SPAG17: variants seen among roughly 807,000 people sequenced by gnomAD.
The protein encoded by SPAG17 is sperm-associated antigen 17.
In SPAG17, 169 loss-of-function variants were observed where a neutral mutation model predicts 273.6. The observed-to-expected ratio is 0.62, with a 90% CI of 0.55 to 0.70. SPAG17 has a LOEUF of 0.70. Among genes scored for constraint, SPAG17 ranks in the 30% least tolerant of loss-of-function variants. The pLI is 0.00. For missense variants in SPAG17, 2,557 were observed against 2,627.8 expected (o/e 0.97, Z 0.59); for synonymous variants, 825 against 873.2 (o/e 0.94, Z 0.97).
intron 19 of SPAG17, among the ~76,000 whole-genome samples, chr1:118,055,160 C>G (rs1046969117): frequency 6.6e-6 from 1 of 152,070 alleles, no homozygotes; most frequent in Admixed American, 6.6e-5. Context: ...AATAACACAA[C>G]ATCACCACCA....
chr1:118,084,807 T>C (rs1051988686), intron 13 of SPAG17, among the ~76,000 whole-genome samples: 2 of 152,042 alleles, frequency 1.3e-5, no homozygotes, highest in African/African-American at 2.4e-5. Context: ...ACCAGAATGT[T>C]TTCTTTTTTT....
At position 118,073,909 on chromosome 1, in the gene SPAG17, C is replaced by T. The variant is rs772685293; in HGVS notation, c.2330G>A (p.Arg777His). ...DLEDIKKTQQ[R>H]SLMDWSFTEH... ...AGTAAAACTCCAGTCCATTAGACTGCGCTGCTGTGTTTTCTTTATGTCCTC... is the reference window on the plus strand; with the variant it reads ...AGTAAAACTCCAGTCCATTAGACTGTGCTGCTGTGTTTTCTTTATGTCCTC... The change falls in exon 17 of 49, where the codon CGC becomes CAC. Residue 777 changes from arginine (R) to histidine (H), a missense_variant. Arg to His is a conservative substitution (Grantham distance 29, BLOSUM62 0). Coordinates refer to ENST00000336338, the MANE Select transcript of SPAG17 (RefSeq NM_206996.4). 80 of 1,575,782 alleles carry T rather than the reference C, an allele frequency of 5.1e-5. No individual in the cohort carries two copies. Among genetic ancestry groups the T allele is most frequent in the East Asian group, 7.0e-5 (3 of 42,980 alleles).
chr1:118,067,036 GT>G, intron 17 of SPAG17, 137 bp from the exon 18 acceptor site: 1 of 755,310 alleles, frequency 1.3e-6, no homozygotes, highest in African/African-American at 1.8e-5. Context: ...ATTCCCAGAG[GT>G]TTCTTTCCTA....
At chr1:118,093,037 G>T in intron 8 of SPAG17, 119 bp downstream of exon 8, 1 of 1,050,710 alleles carries the variant, frequency 9.5e-7, no homozygotes, top group Non-Finnish European at 1.4e-6. Flanking sequence ...TATGCCAGTA[G>T]GCAGTATGAC....
chr1:117,954,041 G>T lies in SPAG17; in HGVS notation c.*9C>A. On this transcript the variant is annotated 3_prime_UTR_variant, in exon 49 of 49. Coordinates refer to ENST00000336338, the MANE Select transcript of SPAG17 (RefSeq NM_206996.4). Reference sequence around the variant, plus strand: ...ATTATGGAGGCTATTGAGTTGTACCGAGAAGAAACTGCAAAAATGAAGGAA... The same window carrying T: ...ATTATGGAGGCTATTGAGTTGTACCTAGAAGAAACTGCAAAAATGAAGGAA... The T allele has an allele frequency of 6.2e-7, 1 of 1,612,268 alleles. No homozygotes were observed. Among genetic ancestry groups the T allele is most frequent in the South Asian group, 1.1e-5 (1 of 90,950 alleles).
chr1:118,040,846 A>C lies in SPAG17; in HGVS notation c.3055-5T>G. ...TCCCATATTGTATCCGTGAAACTAG[A>C]AGAGAAAATATTATGCTTTGAGTGT... is the stretch of plus-strand genomic sequence containing the variant. On this transcript the variant is annotated splice_region_variant and splice_polypyrimidine_tract_variant and intron_variant, in intron 21 of 48. Transcript: ENST00000336338. 2.0e-6 allele frequency: 3 copies of C among 1,518,792 alleles called. No homozygotes were observed. Among genetic ancestry groups the C allele is most frequent in the Non-Finnish European group, 2.7e-6 (3 of 1,092,582 alleles). The allele number at this position is 1,518,792 out of a possible 1,614,324, so 94.1% of individuals were successfully genotyped here.
At chr1:118,156,413 T>C (rs887201802) in intron 1 of SPAG17, among the ~76,000 whole-genome samples, 2 of 152,238 alleles carry the variant, frequency 1.3e-5, no homozygotes, top group Non-Finnish European at 2.9e-5. Flanking sequence ...AGTGCTAGAA[T>C]GTAGCATGTC....
chr1:118,148,417 A>C (rs1299536162), intron 3 of SPAG17, among the ~76,000 whole-genome samples: 1 of 152,158 alleles, frequency 6.6e-6, no homozygotes, highest in South Asian at 2.1e-4. Flanking sequence ...GTGCTAGCTC[A>C]GGTGGCCAGC....
intron 41 of SPAG17, 86 bp from the exon 42 acceptor site, chr1:117,983,999 A>C (rs1214304813): frequency 1.6e-6 from 1 of 616,550 alleles, no homozygotes; most frequent in African/African-American, 1.8e-5. Flanking sequence ...AGCAATAATG[A>C]AAACATATTT....
intron 30 of SPAG17, among the ~76,000 whole-genome samples, chr1:118,009,472 G>T (rs1659248641): frequency 6.6e-6 from 1 of 152,108 alleles, no homozygotes; most frequent in Admixed American, 6.6e-5. Flanking sequence ...AAGAGTGGAA[G>T]GCTTTTAGAG....
At position 118,099,729 on chromosome 1, in the gene SPAG17, T is replaced by C. The variant is rs747307535; in HGVS notation, c.706A>G (p.Ile236Val). 2.5e-5 allele frequency: 41 copies of C among 1,613,698 alleles called. No homozygotes were observed. The highest frequency in any genetic ancestry group is 1.4e-4 in the South Asian group (13 of 91,070). The change falls in exon 6 of 49, where the codon ATT becomes GTT. Residue 236 changes from isoleucine (I) to valine (V), a missense_variant. Transcript: ENST00000336338. ...VGFNNPQLLA[I>V]MAELGIPITS... is the part of the protein sequence containing the mutation. ...ATAGGAATGCCAAGCTCAGCCATAA[T>C]TGCTAATAGCTGAGGATTGTTAAAG...
intron 43 of SPAG17, among the ~76,000 whole-genome samples, 160 bp from the exon 44 acceptor site, chr1:117,973,721 T>C (rs1020475550): frequency 2.0e-5 from 3 of 152,196 alleles, no homozygotes; most frequent in Non-Finnish European, 1.5e-5. Flanking sequence ...TCAATTTTTC[T>C]TTTAGATTTA....
intron 15 of SPAG17, among the ~76,000 whole-genome samples, chr1:118,079,320 C>G (rs1654350756): frequency 1.3e-5 from 2 of 152,028 alleles, no homozygotes; most frequent in East Asian, 3.9e-4. Context: ...CAGTAACAGC[C>G]CATTTTACTT....
chr1:118,098,865 G>A (rs567612258), intron 6 of SPAG17, among the ~76,000 whole-genome samples: 1 of 152,116 alleles, frequency 6.6e-6, no homozygotes, highest in African/African-American at 2.4e-5. Flanking sequence ...AAAATGTAGT[G>A]TTATAAAAAT....
intron 23 of SPAG17, among the ~76,000 whole-genome samples, chr1:118,037,893 C>A (rs1014007083): frequency 1.3e-4 from 19 of 151,978 alleles, no homozygotes; most frequent in African/African-American, 4.6e-4. Flanking sequence ...AAAGATGGGG[C>A]AATATTGATT....
chr1:118,128,217 T>C (rs1657849425), intron 3 of SPAG17, among the ~76,000 whole-genome samples: 1 of 152,218 alleles, frequency 6.6e-6, no homozygotes. Context: ...GCTAGTTTGT[T>C]ATTGGTGTAT....
rs192939077 is a variant in SPAG17 at position 118,140,192 on chromosome 1, G to C, written c.315+10351C>G. Reference sequence around the variant, plus strand: ...TATAAATTACCCAATTTCAGGTATTGTTATAAGCAACAGAATACAGACTAA... The same window carrying C: ...TATAAATTACCCAATTTCAGGTATTCTTATAAGCAACAGAATACAGACTAA... On this transcript the variant is annotated intron_variant, in intron 3 of 48. Coordinates refer to ENST00000336338, the MANE Select transcript of SPAG17 (RefSeq NM_206996.4). Among the ~76,000 whole-genome samples, 3 of 152,220 alleles carry C rather than the reference G, an allele frequency of 2.0e-5. No homozygotes were observed. In the East Asian group the frequency reaches 5.8e-4, roughly 29 times the overall value.
intron 34 of SPAG17, among the ~76,000 whole-genome samples, chr1:117,994,902 T>G (rs1657488532): frequency 6.6e-6 from 1 of 152,152 alleles, no homozygotes; most frequent in African/African-American, 2.4e-5. Context: ...ACAACTGGTT[T>G]TGCCACCTAT....
chr1:118,099,724 C>T lies in SPAG17; in HGVS notation c.711G>A (p.Met237Ile), dbSNP rs1440080581. ...TGGTTATAGGAATGCCAAGCTCAGCCATAATTGCTAATAGCTGAGGATTGT... is the reference window on the plus strand; with the variant it reads ...TGGTTATAGGAATGCCAAGCTCAGCTATAATTGCTAATAGCTGAGGATTGT... ...GFNNPQLLAIMAELGIPITSV... is the reference protein window; with the variant it reads ...GFNNPQLLAIIAELGIPITSV... The change falls in exon 6 of 49, where the codon ATG becomes ATA. Residue 237 changes from methionine (M) to isoleucine (I), a missense_variant. By Grantham distance (10) the Met-to-Ile change is conservative (BLOSUM62 1). Coordinates refer to ENST00000336338, the MANE Select transcript of SPAG17 (RefSeq NM_206996.4). The T allele has an allele frequency of 6.2e-7, 1 of 1,613,738 alleles. No individual in the cohort carries two copies. Among genetic ancestry groups the T allele is most frequent in the Non-Finnish European group, 8.5e-7 (1 of 1,179,844 alleles).
Sources: gnomAD v4.1 joint callset for allele counts (sites outside exome capture counted in the v4.1 genomes callset) on GRCh38, gnomAD v4.1.1 for gene constraint, MANE v1.5 for transcripts, NCBI Gene and HGNC (gene_info 2026-07-23, HGNC 2026-07-21) for gene names.